Variants in GREM2 observed in about 807,000 individuals in gnomAD.
The protein encoded by GREM2 is gremlin 2, DAN family BMP antagonist.
Under a neutral mutation model 14.2 loss-of-function variants are expected in GREM2, and 11 were observed. The ratio of observed to expected loss-of-function variants is 0.78; its 90% CI spans 0.49 to 1.28. GREM2 has a LOEUF of 1.28. Among genes scored for constraint, GREM2 ranks in the 50% most tolerant of loss-of-function variants. GREM2 has a pLI of 0.00. For missense variants in GREM2, 210 were observed against 218.5 expected (o/e 0.96, Z 0.24); for synonymous variants, 98 against 97.6 (o/e 1.00, Z -0.02).
intron 1 of GREM2, among the ~76,000 whole-genome samples, chr1:240,498,291 TG>T (rs1341452447): frequency 1.3e-5 from 2 of 152,170 alleles, no homozygotes; most frequent in Non-Finnish European, 2.9e-5. Flanking sequence ...GGGGGAAAAG[TG>T]GTTGAGGAAA....
intron 1 of GREM2, among the ~76,000 whole-genome samples, chr1:240,545,709 A>G (rs886806261): frequency 4.6e-5 from 7 of 152,202 alleles, no homozygotes; most frequent in Non-Finnish European, 8.8e-5. Context: ...TGCTCACTGC[A>G]GAACTGATTG....
chr1:240,534,135 G>C (rs915010683), intron 1 of GREM2, among the ~76,000 whole-genome samples: 2 of 152,184 alleles, frequency 1.3e-5, no homozygotes, highest in Admixed American at 6.5e-5. Context: ...ACCTGAGAAA[G>C]ATCTTGAAGA....
At chr1:240,537,721 G>C (rs1678503912) in intron 1 of GREM2, among the ~76,000 whole-genome samples, 1 of 152,128 alleles carries the variant, frequency 6.6e-6, no homozygotes, top group Non-Finnish European at 1.5e-5. Flanking sequence ...GGAGGCGGAG[G>C]TTGCAGTGAG....
chr1:240,553,621 C>G (rs1341535670), intron 1 of GREM2, among the ~76,000 whole-genome samples: 1 of 152,180 alleles, frequency 6.6e-6, no homozygotes, highest in Non-Finnish European at 1.5e-5. Flanking sequence ...AGGTCTTAAG[C>G]TTGCCATGGC....
chr1:240,491,292 T>C lies in GREM2; in HGVS notation c.*1677A>G, dbSNP rs1461777630. ...CGGCTTGCAGAGGGTCTCTCTCACA[T>C]ACTAGGGAAGTGGCCCCTCACAGGA... On this transcript the variant is annotated 3_prime_UTR_variant, in exon 2 of 2. Transcript: ENST00000318160. 6.6e-6 allele frequency: 1 copy of C among 152,532 alleles called. No individual in the cohort carries two copies. The highest frequency in any genetic ancestry group is 1.5e-5 in the Non-Finnish European group (1 of 68,034). 9.4% of individuals were successfully genotyped at this position (152,532 alleles called of 1,614,324 possible). A position where few individuals can be genotyped will look rare whatever the true frequency, so the allele number is the denominator to read the frequency against.
Position 240,542,387 on chromosome 1 carries a change from T to G in GREM2, c.-1-48911A>C, listed in dbSNP as rs996183757. On this transcript the variant is annotated intron_variant, in intron 1 of 1. Coordinates refer to ENST00000318160, the MANE Select transcript of GREM2 (RefSeq NM_022469.4). This position sits in a 1 kb window ranked among gnomAD's most constrained non-coding sequence, Gnocchi z 4.1. ...TGGGAGGCCGAGGTGGGCAGATCAC[T>G]TGCGGCCAGGAGTTCGAGACCAGCC... is the stretch of plus-strand genomic sequence containing the variant. Among the ~76,000 whole-genome samples the G allele has an allele frequency of 4.0e-5, 6 of 150,336 alleles. No homozygotes were observed. Among genetic ancestry groups the G allele is most frequent in the African/African-American group, 1.5e-4 (6 of 40,720 alleles).
chr1:240,569,322 C>T (rs1679219163), intron 1 of GREM2, among the ~76,000 whole-genome samples: 1 of 152,096 alleles, frequency 6.6e-6, no homozygotes, highest in Non-Finnish European at 1.5e-5. Context: ...AAAATTCCAG[C>T]AGTTTTTTGG....
intron 1 of GREM2, among the ~76,000 whole-genome samples, chr1:240,541,926 T>C (rs2103326543): frequency 6.6e-6 from 1 of 152,288 alleles, no homozygotes; most frequent in South Asian, 2.1e-4. Context: ...GCCATCACTG[T>C]CTTTATCACT....
chr1:240,528,350 A>G (rs1678271863), intron 1 of GREM2, among the ~76,000 whole-genome samples: 1 of 152,140 alleles, frequency 6.6e-6, no homozygotes, highest in African/African-American at 2.4e-5. Flanking sequence ...TTACTATGTG[A>G]ATTTCATGAA....
rs553995496 is a variant in GREM2, at chr1:240,601,313, A to G, written c.-2+10571T>C. Among the ~76,000 whole-genome samples, 3 of 152,328 alleles carry G rather than the reference A, an allele frequency of 2.0e-5. No homozygotes were observed. In the South Asian group the frequency reaches 6.2e-4, roughly 32 times the overall value. On this transcript the variant is annotated intron_variant, in intron 1 of 1. Coordinates refer to ENST00000318160, the MANE Select transcript of GREM2 (RefSeq NM_022469.4). ...ACAAAGCCAGGTTTATTTGACTTCAAAATTCATGCTCCAAACCAATGGTAC... is the reference window on the plus strand; with the variant it reads ...ACAAAGCCAGGTTTATTTGACTTCAGAATTCATGCTCCAAACCAATGGTAC...
chr1:240,535,498 G>A (rs145799427), intron 1 of GREM2, among the ~76,000 whole-genome samples: 4 of 152,154 alleles, frequency 2.6e-5, no homozygotes, highest in East Asian at 1.9e-4. Context: ...TTTAAAGGAC[G>A]AATGTGAGAA....
At chr1:240,522,329 T>A (rs1456142593) in intron 1 of GREM2, among the ~76,000 whole-genome samples, 5 of 152,162 alleles carry the variant, frequency 3.3e-5, no homozygotes, top group Non-Finnish European at 7.3e-5. Flanking sequence ...GACAACAATG[T>A]ATCTGGCTTC....
intron 1 of GREM2, among the ~76,000 whole-genome samples, chr1:240,505,117 C>T (rs758729865): frequency 6.6e-6 from 1 of 152,052 alleles, no homozygotes; most frequent in Non-Finnish European, 1.5e-5. Context: ...GGCACCTCCC[C>T]TATCTCTCTC....
At chr1:240,601,024 T>G (rs1471751080) in intron 1 of GREM2, among the ~76,000 whole-genome samples, 2 of 152,216 alleles carry the variant, frequency 1.3e-5, no homozygotes, top group African/African-American at 4.8e-5. Context: ...TTCACAAAAT[T>G]AGATTTGAAG....
chr1:240,538,494 G>A (rs777939412), intron 1 of GREM2, among the ~76,000 whole-genome samples: 27 of 151,844 alleles, frequency 1.8e-4, no homozygotes, highest in Non-Finnish European at 1.6e-4. Flanking sequence ...TTGAGCTCAG[G>A]AGTTTGAGAC....
intron 1 of GREM2, 123 bp from the exon 2 acceptor site, chr1:240,493,599 CA>C: frequency 8.5e-7 from 1 of 1,178,734 alleles, no homozygotes; most frequent in Non-Finnish European, 1.2e-6. Context: ...AGTGCAGGGG[CA>C]CGTAGCTTGC....
At chr1:240,521,500 G>C (rs1188628829) in intron 1 of GREM2, among the ~76,000 whole-genome samples, 1 of 152,046 alleles carries the variant, frequency 6.6e-6, no homozygotes, top group Non-Finnish European at 1.5e-5. Flanking sequence ...GAACCCGGGA[G>C]GCGGAGCTTA....
intron 1 of GREM2, among the ~76,000 whole-genome samples, chr1:240,608,456 G>A (rs374019850): frequency 4.6e-5 from 7 of 152,118 alleles, no homozygotes; most frequent in African/African-American, 9.7e-5. Flanking sequence ...TCCAGGGTTC[G>A]TGTTATAATT....
chr1:240,529,385 G>T (rs1022744365), intron 1 of GREM2, among the ~76,000 whole-genome samples: 3 of 151,804 alleles, frequency 2.0e-5, no homozygotes, highest in Non-Finnish European at 4.4e-5. Flanking sequence ...TGAACATAGA[G>T]GATAACAGCT....
Sources: gnomAD v4.1 joint callset for allele counts (sites outside exome capture counted in the v4.1 genomes callset) on GRCh38, gnomAD v4.1.1 for gene constraint, Gnocchi (gnomAD v3.1) non-coding constraint, MANE v1.5 for transcripts, NCBI Gene and HGNC (gene_info 2026-07-23, HGNC 2026-07-21) for gene names.